The following PRUNE2 variants were observed in gnomAD, a reference collection of about 807,000 sequenced individuals.
PRUNE2 encodes the protein protein prune homolog 2.
In PRUNE2, 164 loss-of-function variants were observed where a neutral mutation model predicts 252.0. The observed-to-expected ratio is 0.65, with a 90% CI of 0.57 to 0.74. The LOEUF (loss-of-function observed/expected upper bound fraction) is 0.74, where lower values mean the gene tolerates loss of function less well. Among genes scored for constraint, PRUNE2 ranks in the 30% least tolerant of loss-of-function variants. The pLI is 0.00. For missense variants in PRUNE2, 3,495 were observed against 3,711.0 expected (o/e 0.94, Z 1.51); for synonymous variants, 1,292 against 1,350.2 (o/e 0.96, Z 0.94).
chr9:76,614,569 A>G lies in PRUNE2; in HGVS notation c.*1T>C, dbSNP rs753871661. ...GCATCCTCTTCTTCCAGCATGGCCA[A>G]CTAAGGCTTTTCTTTCAGCTTCAAG... On this transcript the variant is annotated 3_prime_UTR_variant, in exon 19 of 19. Coordinates refer to ENST00000376718, the MANE Select transcript of PRUNE2 (RefSeq NM_015225.3). The G allele has an allele frequency of 6.2e-7, 1 of 1,612,440 alleles. No homozygotes were observed. The highest frequency in any genetic ancestry group is 2.2e-5 in the East Asian group (1 of 44,850).
intron 18 of PRUNE2, among the ~76,000 whole-genome samples, chr9:76,618,390 G>C (rs1039906237): frequency 2.2e-4 from 34 of 152,174 alleles, no homozygotes; most frequent in Non-Finnish European, 3.1e-4. Context: ...ATTTAAAACT[G>C]ATCTTTCCCC....
rs542799788 is a variant in PRUNE2, at chr9:76,708,716, A to G, written c.3558T>C (p.Asp1186=). Residue 1186 remains aspartate, a synonymous_variant, in exon 8 of 19, where the codon GAT becomes GAC. Transcript: ENST00000376718. ...GCTCATCAGAGGCAGGGAGCTCCCA[A>G]TCTACCTGATTTGCTTCCTGATACT... The part of the protein sequence containing the change: ...GLEYQEANQV[D]WELPASDEHT... 1.2e-6 allele frequency: 2 copies of G among 1,613,954 alleles called. No homozygotes were observed. The highest frequency in any genetic ancestry group is 4.5e-5 in the East Asian group (2 of 44,860).
intron 17 of PRUNE2, among the ~76,000 whole-genome samples, chr9:76,623,172 T>C (rs1833094968): frequency 6.6e-6 from 1 of 152,206 alleles, no homozygotes; most frequent in Non-Finnish European, 1.5e-5. Context: ...ATAAGCAACA[T>C]TTAAAATAGG....
intron 16 of PRUNE2, among the ~76,000 whole-genome samples, chr9:76,627,357 C>A (rs1835368694): frequency 6.6e-6 from 1 of 151,992 alleles, no homozygotes; most frequent in African/African-American, 2.4e-5. Context: ...AGCTATCCAC[C>A]CTCCTCAGAC....
rs549569131 is a variant in PRUNE2, at chr9:76,811,262, T to A, written c.756+12370A>T. ...TATGTCCTGAGGGTTTCCCTTCTCA[T>A]AAAGAAAAATGTAGACAGAATTAGA... On this transcript the variant is annotated intron_variant, in intron 6 of 18. Coordinates refer to ENST00000376718, the MANE Select transcript of PRUNE2 (RefSeq NM_015225.3). Among the ~76,000 whole-genome samples, 8 of 152,340 alleles carry A rather than the reference T, an allele frequency of 5.3e-5. No individual in the cohort carries two copies. The East Asian group carries it at 1.5e-3, about 29-fold the overall frequency.
At chr9:76,890,292 A>G (rs576265079) in intron 1 of PRUNE2, among the ~76,000 whole-genome samples, 30 of 152,336 alleles carry the variant, frequency 2.0e-4, no homozygotes, top group Non-Finnish European at 3.4e-4. Context: ...CATGCTGACC[A>G]AGAGCAGGCT....
At chr9:76,817,864 T>C (rs3905245) in intron 6 of PRUNE2, 71,287 of 151,870 alleles carry the variant, frequency 0.47, 16,817 homozygotes, top group Middle Eastern at 0.54. Flanking sequence ...ATCATCAACT[T>C]TTACTGTAGC....
intron 9 of PRUNE2, chr9:76,687,717 C>G (rs770923179): frequency 1.5e-4 from 40 of 268,948 alleles, no homozygotes; most frequent in Non-Finnish European, 2.9e-4. Context: ...TCGGGGGAGG[C>G]TGTATTACAA....
chr9:76,868,208 T>C (rs2060957586), intron 1 of PRUNE2, among the ~76,000 whole-genome samples: 1 of 152,164 alleles, frequency 6.6e-6, no homozygotes, highest in African/African-American at 2.4e-5. Context: ...AATGGTGGCA[T>C]AGGACATTTA....
chr9:76,776,887 AACACATACACACACAC>A lies in PRUNE2; in HGVS notation c.756+46729_756+46744del, dbSNP rs1343542385. ...TCTTGAGTTTCTTTCTCATTACCAA[AACACATACACACACAC>A]ACACACACACACACACACACACACA... On this transcript the variant is annotated intron_variant, in intron 6 of 18. Transcript: ENST00000376718. Among the ~76,000 whole-genome samples, 705 of 96,538 alleles carry A rather than the reference AACACATACACACACAC, an allele frequency of 7.3e-3. 8 individuals carry two copies. Among genetic ancestry groups the A allele is most frequent in the African/African-American group, 0.024 (672 of 28,240 alleles). 63.3% of individuals were successfully genotyped at this position (96,538 alleles called of 152,430 possible). A position where few individuals can be genotyped will look rare whatever the true frequency, so the allele number is the denominator to read the frequency against.
intron 7 of PRUNE2, among the ~76,000 whole-genome samples, chr9:76,712,240 G>C (rs1022151074): frequency 1.8e-4 from 27 of 152,248 alleles, no homozygotes; most frequent in African/African-American, 6.0e-4. Context: ...AATTCCACAA[G>C]GTAGGAACTC....
At chr9:76,665,415 G>T (rs635856) in intron 9 of PRUNE2, among the ~76,000 whole-genome samples, 2 of 151,692 alleles carry the variant, frequency 1.3e-5, no homozygotes, top group Middle Eastern at 3.4e-3. Context: ...CCCACAGAGT[G>T]GGGACCTGGG....
rs184405334 is a variant in PRUNE2 at position 76,725,112 on chromosome 9, A to G, written c.757-11391T>C. Among the ~76,000 whole-genome samples, 4 of 152,342 alleles carry G rather than the reference A, an allele frequency of 2.6e-5. No homozygotes were observed. The East Asian group carries it at 7.7e-4, about 29-fold the overall frequency. On this transcript the variant is annotated intron_variant, in intron 6 of 18. Coordinates refer to ENST00000376718, the MANE Select transcript of PRUNE2 (RefSeq NM_015225.3). ...GACAGCTTTATTTTCCTTTGTAAAA[A>G]TAAATCATCTAGTTTGAACCCAATT...
chr9:76,652,107 T>G (rs1847628220), intron 11 of PRUNE2: 1 of 164,866 alleles, frequency 6.1e-6, no homozygotes, highest in Admixed American at 6.1e-5. Context: ...TAGTGGGAAC[T>G]TATACAAGAA....
At chr9:76,727,645 C>CTT (rs577095894) in intron 6 of PRUNE2, among the ~76,000 whole-genome samples, 19 of 72,708 alleles carry the variant, frequency 2.6e-4, no homozygotes, top group South Asian at 5.5e-4. Flanking sequence ...TCTTCTTCTT[C>CTT]TTTTTTTTTT....
At chr9:76,843,047 T>C (rs1379981066) in intron 4 of PRUNE2, among the ~76,000 whole-genome samples, 1 of 152,090 alleles carries the variant, frequency 6.6e-6, no homozygotes, top group Admixed American at 6.6e-5. Context: ...TGCCGCACTA[T>C]TCACAAAGAC....
At chr9:76,830,702 A>T (rs1161597792) in intron 4 of PRUNE2, among the ~76,000 whole-genome samples, 1 of 151,894 alleles carries the variant, frequency 6.6e-6, no homozygotes, top group Non-Finnish European at 1.5e-5. Flanking sequence ...TATGAGCCCA[A>T]ATCAGGATAA....
At chr9:76,772,924 A>G (rs893821296) in intron 6 of PRUNE2, among the ~76,000 whole-genome samples, 1 of 152,184 alleles carries the variant, frequency 6.6e-6, no homozygotes, top group Non-Finnish European at 1.5e-5. Context: ...AAGTGGCTTT[A>G]ACAGAAGTTG....
intron 6 of PRUNE2, among the ~76,000 whole-genome samples, chr9:76,769,920 T>C (rs554013896): frequency 6.6e-5 from 10 of 152,316 alleles, no homozygotes; most frequent in African/African-American, 2.4e-4. Context: ...TAAATGTTTA[T>C]GTTTCAAATA....
Sources: allele counts gnomAD v4.1 joint callset (sites outside exome capture counted in the v4.1 genomes callset), GRCh38; gene constraint gnomAD v4.1.1; transcripts MANE v1.5; gene names NCBI Gene and HGNC (gene_info 2026-07-23, HGNC 2026-07-21).